The following PARP12 variants were observed in gnomAD, a reference collection of about 807,000 sequenced individuals.
The protein encoded by PARP12 is protein mono-ADP-ribosyltransferase PARP12.
PARP12 carries 59 observed loss-of-function variants against 72.4 expected under a neutral mutation model. The ratio of observed to expected loss-of-function variants is 0.81; its 90% confidence interval spans 0.66 to 1.01. PARP12 has a LOEUF of 1.01. PARP12 is among the 50% of genes least tolerant of loss of function. PARP12 has a pLI of 0.00. For synonymous variants in PARP12, 403 were observed against 371.4 expected, an observed-to-expected ratio of 1.09 and a Z score of -0.98; for missense variants, 851 against 914.0, an observed-to-expected ratio of 0.93 and a Z score of 0.89.
At chr7:140,047,050 C>G (rs757555957) in intron 4 of PARP12, 43 bp from the exon 5 acceptor site, 2 of 1,576,804 alleles carry the variant, frequency 1.3e-6, no homozygotes, top group African/African-American at 2.7e-5. Context: ...GGGCAATACA[C>G]AGCATGCCCT....
intron 5 of PARP12, among the ~76,000 whole-genome samples, chr7:140,042,976 A>T (rs1816553204): frequency 6.6e-6 from 1 of 152,280 alleles, no homozygotes; most frequent in African/African-American, 2.4e-5. Flanking sequence ...CAGGTGGATC[A>T]TGAGGTCAGG....
intron 6 of PARP12, among the ~76,000 whole-genome samples, chr7:140,039,146 C>G (rs575086305): frequency 6.6e-6 from 1 of 152,220 alleles, no homozygotes; most frequent in African/African-American, 2.4e-5. Flanking sequence ...CTAAGTTTCT[C>G]TCTCTGAAGT....
chr7:140,051,443 T>G (rs1816955007), intron 4 of PARP12, among the ~76,000 whole-genome samples: 2 of 151,598 alleles, frequency 1.3e-5, no homozygotes, highest in South Asian at 4.2e-4. Context: ...CAGGCTGGAG[T>G]GCAGTGGCAC....
In PARP12 at chr7:140,046,963, A is replaced by G. The variant is rs189510255; in HGVS notation, c.907T>C (p.Phe303Leu). ...VHFHLPYRWQ[F>L]LDRGKWEDLD... is the part of the protein sequence containing the mutation. ...TCCTCCCATTTGCCTCTATCCAAGAATTGCCATCGATACGGCAAATGGAAA... is the reference window on the plus strand; with the variant it reads ...TCCTCCCATTTGCCTCTATCCAAGAGTTGCCATCGATACGGCAAATGGAAA... The change falls in exon 5 of 12, where the codon TTC becomes CTC. Residue 303 changes from phenylalanine to leucine, a missense_variant. This residue lies in a region of PARP12 where 492 missense variants were observed against 489.3 expected (regional missense o/e 1.01). Transcript: ENST00000263549. 20 of 1,614,066 alleles carry G rather than the reference A, an allele frequency of 1.2e-5. No individual in the cohort carries two copies. The African/African-American group carries it at 2.4e-4, about 19-fold the overall frequency.
At chr7:140,028,494 GCCCCAATTAGC>G in intron 9 of PARP12, 108 bp downstream of exon 9, 1 of 843,568 alleles carries the variant, frequency 1.2e-6, no homozygotes, top group Admixed American at 3.6e-5. Flanking sequence ...CTGCCCTCCT[GCCCCAATTAGC>G]CCCAGCCTTA....
chr7:140,036,404 C>T (rs921462330), intron 7 of PARP12, among the ~76,000 whole-genome samples: 6 of 152,114 alleles, frequency 3.9e-5, no homozygotes, highest in Middle Eastern at 3.2e-3. Flanking sequence ...TGTGTCAGGC[C>T]GTGGAAAGCA....
chr7:140,024,183 T>C lies in PARP12; in HGVS notation c.*377A>G. ...TCATTCTGGAAAAACTATGATGCCA[T>C]GAGACTCTGAGAAACCGAATCACTG... On this transcript the variant is annotated 3_prime_UTR_variant, in exon 12 of 12. Coordinates refer to ENST00000263549, the MANE Select transcript of PARP12 (RefSeq NM_022750.4). The C allele has an allele frequency of 3.2e-6, 1 of 315,708 alleles. No individual in the cohort carries two copies. The highest frequency in any genetic ancestry group is 6.2e-6 in the Non-Finnish European group (1 of 162,266). 19.6% of individuals were successfully genotyped at this position (315,708 alleles called of 1,614,324 possible). A position where few individuals can be genotyped will look rare whatever the true frequency, so the allele number is the denominator to read the frequency against.
Position 140,027,348 on chromosome 7 carries a change from C to A in PARP12, c.1556G>T (p.Arg519Leu). Residue 519 changes from arginine to leucine, a missense_variant, in exon 10 of 12, where the codon CGC (arginine) becomes CTC (leucine). By Grantham distance (102) the Arg-to-Leu change is moderately radical. Transcript: ENST00000263549. Reference protein sequence around the residue: ...EYQKVWNLFNRTLPFYFVQKI... With the variant: ...EYQKVWNLFNLTLPFYFVQKI... Reference sequence around the variant, plus strand: ...CTGAACAAAGTAGAAAGGCAGCGTGCGGTTAAAGAGGTTCCAGACCTTCTG... The same window carrying A: ...CTGAACAAAGTAGAAAGGCAGCGTGAGGTTAAAGAGGTTCCAGACCTTCTG... 1 of 1,613,950 alleles carries A rather than the reference C, an allele frequency of 6.2e-7. No homozygotes were observed. Among genetic ancestry groups the A allele is most frequent in the Non-Finnish European group, 8.5e-7 (1 of 1,179,912 alleles).
chr7:140,061,776 G>C (rs1378221089), intron 1 of PARP12, among the ~76,000 whole-genome samples: 1 of 152,198 alleles, frequency 6.6e-6, no homozygotes, highest in Non-Finnish European at 1.5e-5. Context: ...TCTGCCCTCA[G>C]GGAGTTTCTA....
chr7:140,046,125 G>A (rs1585102173), intron 5 of PARP12, among the ~76,000 whole-genome samples: 1 of 152,218 alleles, frequency 6.6e-6, no homozygotes, highest in Admixed American at 6.5e-5. Flanking sequence ...TCTTCGCTGT[G>A]TGTAAATTTT....
intron 2 of PARP12, 195 bp from the exon 3 acceptor site, chr7:140,057,348 G>T: frequency 1.6e-6 from 1 of 610,592 alleles, no homozygotes; most frequent in Non-Finnish European, 2.8e-6. Context: ...GGAACGAAAT[G>T]GAAAGGAGAC....
chr7:140,035,336 T>G (rs553570021), intron 7 of PARP12, among the ~76,000 whole-genome samples: 1 of 152,360 alleles, frequency 6.6e-6, no homozygotes, highest in African/African-American at 2.4e-5. Context: ...AAATGGGTGT[T>G]ACTGGCCTAC....
At chr7:140,043,050 C>T (rs57523190) in intron 5 of PARP12, among the ~76,000 whole-genome samples, 1,588 of 152,174 alleles carry the variant, frequency 0.01, 27 homozygotes, top group African/African-American at 0.036. Context: ...AAAAACTAGC[C>T]GGGAGTGGTG....
intron 5 of PARP12, 23 bp downstream of exon 5, chr7:140,046,861 G>C (rs996299874): frequency 1.9e-6 from 3 of 1,601,326 alleles, no homozygotes; most frequent in Non-Finnish European, 2.6e-6. Context: ...GCACAAAGCA[G>C]AGACAAGGGA....
chr7:140,058,140 G>T, intron 1 of PARP12, 106 bp from the exon 2 acceptor site: 8 of 1,308,210 alleles, frequency 6.1e-6, no homozygotes, highest in Non-Finnish European at 8.7e-6. Flanking sequence ...TATTTGGAAA[G>T]AAGGTCTCTA....
chr7:140,056,895 T>C lies in PARP12; in HGVS notation c.721A>G (p.Ser241Gly). Residue 241 changes from serine to glycine, a missense_variant, in exon 3 of 12, where the codon AGC (serine) becomes GGC (glycine). Transcript: ENST00000263549. ...HDIKNKSSAPSRVPPLFVPQG... is the reference protein window; with the variant it reads ...HDIKNKSSAPGRVPPLFVPQG... ...GGGACAAAAAGAGGAGGCACTCTGC[T>C]GGGGGCAGAGCTCTTATTCTTGATG... 1.2e-6 allele frequency: 2 copies of C among 1,612,478 alleles called. No homozygotes were observed.
intron 4 of PARP12, among the ~76,000 whole-genome samples, chr7:140,048,497 G>T (rs1816827129): frequency 6.6e-6 from 1 of 152,170 alleles, no homozygotes; most frequent in Admixed American, 6.5e-5. Context: ...GAAGCTCTTT[G>T]CACTGTGACA....
intron 4 of PARP12, among the ~76,000 whole-genome samples, chr7:140,048,228 A>G (rs1253222817): frequency 6.6e-6 from 1 of 152,110 alleles, no homozygotes; most frequent in East Asian, 1.9e-4. Flanking sequence ...TCCCACCAAC[A>G]TCCACACAAT....
At chr7:140,035,162 G>A (rs1290268374) in intron 7 of PARP12, among the ~76,000 whole-genome samples, 1 of 152,182 alleles carries the variant, frequency 6.6e-6, no homozygotes, top group Non-Finnish European at 1.5e-5. Flanking sequence ...TAAACTGGAT[G>A]GTTATCCAAG....
Sources: allele counts gnomAD v4.1 joint callset (sites outside exome capture counted in the v4.1 genomes callset), GRCh38; gene constraint gnomAD v4.1.1; regional missense constraint gnomAD v4.1.1; transcripts MANE v1.5; gene names NCBI Gene and HGNC (gene_info 2026-07-23, HGNC 2026-07-21).